PIP5K1B: variants seen among roughly 807,000 people sequenced by gnomAD.
The protein encoded by PIP5K1B is phosphatidylinositol 4-phosphate 5-kinase type-1 beta.
In PIP5K1B, 42 loss-of-function variants were observed where a neutral mutation model predicts 67.0. That is an observed-to-expected ratio of 0.63 (90% confidence interval 0.49 to 0.81). The LOEUF is 0.81. PIP5K1B is among the 30% of genes least tolerant of loss of function. PIP5K1B has a pLI of 0.00. For synonymous variants in PIP5K1B, 214 were observed against 231.4 expected, an observed-to-expected ratio of 0.92 and a Z score of 0.68; for missense variants, 459 against 646.3, an observed-to-expected ratio of 0.71 and a Z score of 3.14.
chr9:68,829,108 T>G (rs1439051663), intron 4 of PIP5K1B, among the ~76,000 whole-genome samples: 1 of 152,086 alleles, frequency 6.6e-6, no homozygotes, highest in Non-Finnish European at 1.5e-5. Context: ...GCTCAAAAAA[T>G]AAGTAAATAA....
At chr9:68,749,194 GA>G (rs1278899371) in intron 2 of PIP5K1B, among the ~76,000 whole-genome samples, 3 of 152,176 alleles carry the variant, frequency 2.0e-5, no homozygotes, top group Non-Finnish European at 4.4e-5. Flanking sequence ...ATTTTGAGGG[GA>G]TTACCCTGTA....
chr9:68,713,660 C>T (rs750983101), intron 1 of PIP5K1B, among the ~76,000 whole-genome samples: 6 of 152,046 alleles, frequency 3.9e-5, no homozygotes, highest in Non-Finnish European at 8.8e-5. Context: ...CAGAACTGTG[C>T]GGATCACAGG....
Position 68,929,818 on chromosome 9 carries a change from C to T in PIP5K1B, c.1202-5072C>T, listed in dbSNP as rs144675193. Among the ~76,000 whole-genome samples, 571 of 152,218 alleles carry T rather than the reference C, an allele frequency of 3.8e-3. 3 individuals carry two copies. Among genetic ancestry groups the T allele is most frequent in the Non-Finnish European group, 6.1e-3 (418 of 68,002 alleles). ...CAGAGTAACTGGGACCACAGGCATG[C>T]GCCACCACACCCAGCTAATGTTTGT... On this transcript the variant is annotated intron_variant, in intron 12 of 15. Coordinates refer to ENST00000265382, the MANE Select transcript of PIP5K1B (RefSeq NM_003558.4).
chr9:68,869,538 T>C (rs1346648676), intron 5 of PIP5K1B, among the ~76,000 whole-genome samples: 2 of 152,210 alleles, frequency 1.3e-5, no homozygotes, highest in Non-Finnish European at 2.9e-5. Context: ...CCCGTTTTTG[T>C]AAATAAGGTT....
At position 68,917,674 on chromosome 9, in the gene PIP5K1B, C is replaced by T; in HGVS notation, c.898C>T (p.Gln300Ter). ...GCCTGATGCTAAGCGGACTGGGATG[C>T]AGAAGGTTCTCTACTCAACAGCCAT... The part of the protein sequence containing the change: ...NVPDAKRTGM[Q>*]KVLYSTAMES... The change falls in exon 9 of 16, where the codon CAG (glutamine) becomes TAG (stop). Residue 300 changes from glutamine to a stop codon, truncating the protein, a stop_gained. Transcript: ENST00000265382. LOFTEE classifies it high-confidence loss of function. 1 of 1,614,138 alleles carries T rather than the reference C, an allele frequency of 6.2e-7. No individual in the cohort carries two copies. The highest frequency in any genetic ancestry group is 2.2e-5 in the East Asian group (1 of 44,894).
intron 2 of PIP5K1B, among the ~76,000 whole-genome samples, chr9:68,815,595 A>G (rs1833400851): frequency 6.6e-6 from 1 of 152,156 alleles, no homozygotes; most frequent in Admixed American, 6.5e-5. Flanking sequence ...ACTATAAATT[A>G]CCAAAATTTG....
At chr9:68,973,085 C>T (rs910953417) in intron 14 of PIP5K1B, among the ~76,000 whole-genome samples, 1 of 152,068 alleles carries the variant, frequency 6.6e-6, no homozygotes, top group East Asian at 1.9e-4. Flanking sequence ...AAGTGACTGC[C>T]CAAGCAAGCC....
intron 15 of PIP5K1B, among the ~76,000 whole-genome samples, chr9:69,007,856 A>G (rs894025472): frequency 2.1e-5 from 3 of 142,574 alleles, no homozygotes; most frequent in Non-Finnish European, 4.6e-5. Flanking sequence ...GACTCCATCT[A>G]AAAAAAAAAA....
chr9:68,883,825 A>AACACAC (rs59872442), intron 6 of PIP5K1B, among the ~76,000 whole-genome samples: 2 of 149,334 alleles, frequency 1.3e-5, no homozygotes, highest in African/African-American at 4.9e-5. Context: ...CCCAGAAATA[A>AACACAC]ACACACACAC....
At chr9:68,948,609 C>A (rs969225247) in intron 14 of PIP5K1B, among the ~76,000 whole-genome samples, 2 of 150,396 alleles carry the variant, frequency 1.3e-5, no homozygotes, top group Non-Finnish European at 2.9e-5. Flanking sequence ...CATGCCACTG[C>A]ACTCCAGCCT....
At chr9:68,713,536 G>C (rs1357048744) in intron 1 of PIP5K1B, among the ~76,000 whole-genome samples, 2 of 152,300 alleles carry the variant, frequency 1.3e-5, no homozygotes, top group South Asian at 2.1e-4. Context: ...CTCCTGAAGT[G>C]TTCAGTATTC....
chr9:68,902,938 GGTTAA>G (rs1825434846), intron 8 of PIP5K1B, among the ~76,000 whole-genome samples: 1 of 152,170 alleles, frequency 6.6e-6, no homozygotes, highest in Non-Finnish European at 1.5e-5. Flanking sequence ...AAAACTCAGT[GGTTAA>G]GTTTAGTGCC....
At chr9:68,794,358 TG>T (rs1936539931) in intron 2 of PIP5K1B, among the ~76,000 whole-genome samples, 1 of 152,026 alleles carries the variant, frequency 6.6e-6, no homozygotes, top group Non-Finnish European at 1.5e-5. Flanking sequence ...GATTATAGCT[TG>T]GGGGAACAAT....
chr9:68,819,856 G>A (rs1209613507), intron 3 of PIP5K1B, among the ~76,000 whole-genome samples: 1 of 152,088 alleles, frequency 6.6e-6, no homozygotes, highest in Admixed American at 6.6e-5. Flanking sequence ...CTTGAATCCA[G>A]ATGATAGTTC....
At chr9:68,988,741 G>A (rs1408306617) in intron 14 of PIP5K1B, among the ~76,000 whole-genome samples, 7 of 151,386 alleles carry the variant, frequency 4.6e-5, no homozygotes, top group Non-Finnish European at 7.4e-5. Context: ...GTGAGCCACC[G>A]CGCCCAGCCT....
In PIP5K1B at chr9:68,933,283, A is replaced by AAAAATAAAAT. The variant is rs10659430; in HGVS notation, c.1202-1593_1202-1584dup. 2.2e-3 allele frequency among the ~76,000 whole-genome samples: 332 copies of AAAAATAAAAT among 149,782 alleles called. 1 individual carries two copies. The highest frequency in any genetic ancestry group is 0.022 in the East Asian group (112 of 5,076). On this transcript the variant is annotated intron_variant, in intron 12 of 15. Coordinates refer to ENST00000265382, the MANE Select transcript of PIP5K1B (RefSeq NM_003558.4). ...AGCACATGTATCCCAGAACTTAAAGAAAAATAAAATAAAATAAAATAAATA... is the reference window on the plus strand; with the variant it reads ...AGCACATGTATCCCAGAACTTAAAGAAAAATAAAATAAAATAAAATAAAATAAAATAAATA...
chr9:68,997,765 A>C (rs1830657498), intron 15 of PIP5K1B, among the ~76,000 whole-genome samples: 1 of 152,228 alleles, frequency 6.6e-6, no homozygotes, highest in South Asian at 2.1e-4. Flanking sequence ...AAAGTGACGC[A>C]AGCTTCAAAT....
At chr9:68,824,128 A>G (rs1466435669) in intron 4 of PIP5K1B, 2 of 518,994 alleles carry the variant, frequency 3.9e-6, no homozygotes, top group Admixed American at 3.9e-5. Flanking sequence ...TGTCTCGTTT[A>G]CCCAAGATTC....
At chr9:68,989,273 A>C (rs1830253577) in intron 14 of PIP5K1B, among the ~76,000 whole-genome samples, 1 of 152,216 alleles carries the variant, frequency 6.6e-6, no homozygotes, top group South Asian at 2.1e-4. Flanking sequence ...CAGAGATTAT[A>C]ATGTCCTCAG....
Sources: gnomAD v4.1 joint callset for allele counts (sites outside exome capture counted in the v4.1 genomes callset) on GRCh38, gnomAD v4.1.1 for gene constraint, MANE v1.5 for transcripts, NCBI Gene and HGNC (gene_info 2026-07-23, HGNC 2026-07-21) for gene names.